MYH14: variants seen among roughly 807,000 people sequenced by gnomAD.
MYH14 encodes the protein myosin-14.
MYH14 carries 123 observed loss-of-function variants against 255.5 expected under a neutral mutation model. The observed-to-expected ratio is 0.48, with a 90% CI of 0.42 to 0.56. MYH14 has a LOEUF of 0.56. Ranked by LOEUF, MYH14 falls within the 20% of genes least tolerant of loss-of-function variation. The probability of loss-of-function intolerance (pLI) is 0.00; values close to 1 mark genes in which losing one functional copy is unlikely to be tolerated. For synonymous variants in MYH14, 1,095 were observed against 1,161.2 expected, an observed-to-expected ratio of 0.94 and a Z score of 1.16; for missense variants, 2,423 against 2,802.3, an observed-to-expected ratio of 0.86 and a Z score of 3.06.
intron 27 of MYH14, among the ~76,000 whole-genome samples, chr19:50,274,869 T>C (rs1355029018): frequency 9.3e-5 from 14 of 150,202 alleles, no homozygotes; most frequent in African/African-American, 3.4e-4. Flanking sequence ...AAGTCGAGGC[T>C]GCAGTGAGCT....
chr19:50,292,380 G>T lies in MYH14; in HGVS notation c.5247G>T (p.Arg1749=). ...RLKGLEAEVL[R]LQEELAASDR... Reference sequence around the variant, plus strand: ...AGGGCCTGGAGGCTGAGGTGCTGCGGCTGCAGGAGGTGAGGCTGGGGTAGG... The same window carrying T: ...AGGGCCTGGAGGCTGAGGTGCTGCGTCTGCAGGAGGTGAGGCTGGGGTAGG... The change falls in exon 37 of 43, where the codon CGG becomes CGT. Residue 1749 remains arginine (R), a synonymous_variant. Transcript: ENST00000642316. 1.9e-6 allele frequency: 3 copies of T among 1,581,918 alleles called. No individual in the cohort carries two copies. Among genetic ancestry groups the T allele is most frequent in the Admixed American group, 1.8e-5 (1 of 54,696 alleles).
chr19:50,288,932 A>T (rs1257355229), intron 34 of MYH14, among the ~76,000 whole-genome samples: 2 of 152,046 alleles, frequency 1.3e-5, no homozygotes, highest in African/African-American at 4.8e-5. Flanking sequence ...GGTTTAATTC[A>T]TACCTCCCTG....
rs780403309 is a variant in MYH14 at position 50,271,491 on chromosome 19, A to G, written c.3116A>G (p.Lys1039Arg). ...LEKVTTEAKM[K>R]KFEEDLLLLE... ...AAGGTGACGACAGAGGCAAAAATGAAGAAATTTGAAGAGGACCTGCTGCTC... is the reference window on the plus strand; with the variant it reads ...AAGGTGACGACAGAGGCAAAAATGAGGAAATTTGAAGAGGACCTGCTGCTC... The change falls in exon 25 of 43, where the codon AAG (lysine) becomes AGG (arginine). Residue 1039 changes from lysine to arginine, a missense_variant. This residue lies in a region of MYH14 where 1,513 missense variants were observed against 1,674.8 expected (regional missense o/e 0.90). Transcript: ENST00000642316. 6.2e-7 allele frequency: 1 copy of G among 1,607,220 alleles called. No individual in the cohort carries two copies. The highest frequency in any genetic ancestry group is 1.7e-5 in the Admixed American group (1 of 58,888).
At position 50,293,570 on chromosome 19, in the gene MYH14, C is replaced by T; in HGVS notation, c.5352C>T (p.Ala1784=). The T allele has an allele frequency of 6.2e-7, 1 of 1,612,958 alleles. No individual in the cohort carries two copies. Among genetic ancestry groups the T allele is most frequent in the South Asian group, 1.1e-5 (1 of 90,962 alleles). The change falls in exon 39 of 43, where the codon GCC becomes GCT. Residue 1784 remains alanine, a synonymous_variant. Coordinates refer to ENST00000642316, the MANE Select transcript of MYH14 (RefSeq NM_001145809.2). This position sits in a 1 kb window ranked among gnomAD's most constrained non-coding sequence, Gnocchi z 4.1. ...EVANGNLSKA[A]ILEEKRQLEG... ...CGCCTTCCTGTCTCCCTAGGGCAGC[C>T]ATTCTGGAGGAGAAGCGTCAGCTGG...
intron 1 of MYH14, among the ~76,000 whole-genome samples, chr19:50,203,987 C>A (rs965414313): frequency 3.3e-5 from 5 of 152,062 alleles, no homozygotes; most frequent in African/African-American, 1.2e-4. Flanking sequence ...CGCTTTAATA[C>A]CTGAGTCATC....
At chr19:50,217,887 G>A (rs2032574833) in intron 3 of MYH14, 116 bp downstream of exon 3, 1 of 1,259,254 alleles carries the variant, frequency 7.9e-7, no homozygotes. Flanking sequence ...TGACTCTGTA[G>A]GGCTTCTTAG....
chr19:50,231,820 C>A, intron 9 of MYH14, 110 bp from the exon 10 acceptor site: 1 of 1,461,186 alleles, frequency 6.8e-7, no homozygotes, highest in Non-Finnish European at 9.4e-7. Flanking sequence ...AGGCCCCCAC[C>A]CACTTGACAG....
At chr19:50,251,808 C>A (rs1467240838) in intron 15 of MYH14, among the ~76,000 whole-genome samples, 1 of 152,126 alleles carries the variant, frequency 6.6e-6, no homozygotes, top group African/African-American at 2.4e-5. Flanking sequence ...GAACTCCTGA[C>A]CTCAGTTGAT....
intron 29 of MYH14, among the ~76,000 whole-genome samples, chr19:50,277,578 A>G (rs1010120526): frequency 1.3e-5 from 2 of 152,104 alleles, no homozygotes; most frequent in Non-Finnish European, 2.9e-5. Flanking sequence ...ATTCCACTCC[A>G]GCCTGGGTGA....
chr19:50,272,677 A>C lies in MYH14; in HGVS notation c.3413A>C (p.Glu1138Ala). 6.4e-7 allele frequency: 1 copy of C among 1,554,756 alleles called. No homozygotes were observed. The highest frequency in any genetic ancestry group is 8.7e-7 in the Non-Finnish European group (1 of 1,149,744). ...GTGGAGCAGCAACAGCGGGCAGAGGAGCTGCGGGCCCAGCTGGGCCGGAAG... is the reference window on the plus strand; with the variant it reads ...GTGGAGCAGCAACAGCGGGCAGAGGCGCTGCGGGCCCAGCTGGGCCGGAAG... ...QMVEQQQRAE[E>A]LRAQLGRKEE... Residue 1138 changes from glutamate (E) to alanine (A), a missense_variant, in exon 27 of 43, where the codon GAG becomes GCG. Glu to Ala is a moderately radical substitution (Grantham distance 107, BLOSUM62 -1). Coordinates refer to ENST00000642316, the MANE Select transcript of MYH14 (RefSeq NM_001145809.2).
At position 50,293,141 on chromosome 19, in the gene MYH14, G is replaced by C. The variant is rs1338472099; in HGVS notation, c.5257-92G>C. ...AGGGACAGCATGAGAAAAAAGCCAA[G>C]AGCCTTGAGGTGTGAGGGACAGAGA... On this transcript the variant is annotated intron_variant, in intron 37 of 42. Transcript: ENST00000642316. The surrounding 1 kb of genome is among the most constrained non-coding windows in gnomAD (Gnocchi z 4.1). 1.5e-5 allele frequency: 13 copies of C among 892,854 alleles called. No individual in the cohort carries two copies. Among genetic ancestry groups the C allele is most frequent in the Non-Finnish European group, 2.4e-5 (13 of 547,492 alleles). 55.3% of individuals were successfully genotyped at this position (892,854 alleles called of 1,614,324 possible).
In MYH14 at chr19:50,297,491, C is replaced by CTTTTTTTTTTT. The variant is rs869049808; in HGVS notation, c.5469+3817_5469+3827dup. ...TCTTTGTGGCTCTGTCTCATCTCCTCTTTTTTTTTTTTTTTTTTTTTTTGA... is the reference window on the plus strand; with the variant it reads ...TCTTTGTGGCTCTGTCTCATCTCCTCTTTTTTTTTTTTTTTTTTTTTTTTTTTTTTTTTTGA... On this transcript the variant is annotated intron_variant, in intron 39 of 42. Coordinates refer to ENST00000642316, the MANE Select transcript of MYH14 (RefSeq NM_001145809.2). 3.6e-4 allele frequency among the ~76,000 whole-genome samples: 27 copies of CTTTTTTTTTTT among 74,344 alleles called. 4 individuals carry two copies. Among genetic ancestry groups the CTTTTTTTTTTT allele is most frequent in the Non-Finnish European group, 5.0e-4 (21 of 42,156 alleles). 48.8% of individuals were successfully genotyped at this position (74,344 alleles called of 152,430 possible).
rs373207210 is a variant in MYH14, at chr19:50,272,698, G to A, written c.3434G>A (p.Arg1145Gln). Residue 1145 changes from arginine (R) to glutamine (Q), a missense_variant, in exon 27 of 43, where the codon CGG becomes CAG. By Grantham distance (43) the Arg-to-Gln change is conservative. This residue lies in a region of MYH14 where 1,513 missense variants were observed against 1,674.8 expected (regional missense o/e 0.90). Coordinates refer to ENST00000642316, the MANE Select transcript of MYH14 (RefSeq NM_001145809.2). ...RAEELRAQLGRKEEELQAALA... is the reference protein window; with the variant it reads ...RAEELRAQLGQKEEELQAALA... ...GAGGAGCTGCGGGCCCAGCTGGGCC[G>A]GAAGGAGGAGGAGCTGCAGGCTGCC... is the stretch of plus-strand genomic sequence containing the variant. The A allele has an allele frequency of 2.1e-5, 32 of 1,551,582 alleles. No homozygotes were observed. Among genetic ancestry groups the A allele is most frequent in the South Asian group, 8.3e-5 (7 of 84,092 alleles).
chr19:50,271,523 G>A lies in MYH14; in HGVS notation c.3148G>A (p.Asp1050Asn), dbSNP rs781266105. The change falls in exon 25 of 43, where the codon GAC becomes AAC. Residue 1050 changes from aspartate (D) to asparagine (N), a missense_variant. Physicochemically the swap from Asp to Asn is conservative, Grantham distance 23. Coordinates refer to ENST00000642316, the MANE Select transcript of MYH14 (RefSeq NM_001145809.2). The stretch of plus-strand genomic sequence containing the variant: ...TGAAGAGGACCTGCTGCTCCTGGAA[G>A]ACCAGAATTCCAAGCTGAGCAAGGT... ...KFEEDLLLLEDQNSKLSKERK... is the reference protein window; with the variant it reads ...KFEEDLLLLENQNSKLSKERK... 1.2e-6 allele frequency: 2 copies of A among 1,606,450 alleles called. No individual in the cohort carries two copies. The highest frequency in any genetic ancestry group is 2.2e-5 in the South Asian group (2 of 89,262).
intron 5 of MYH14, 122 bp from the exon 6 acceptor site, chr19:50,224,032 T>TGCCCCCCCCCCCCCCCCCCCCCCCCC: frequency 1.6e-6 from 1 of 610,324 alleles, no homozygotes; most frequent in Non-Finnish European, 3.0e-6. Context: ...ATGCCCGGTT[T>TGCCCCCCCCCCCCCCCCCCCCCCCCC]CCCCAGTCCC....
Position 50,223,349 on chromosome 19 carries a change from C to A in MYH14, c.693C>A (p.Pro231=). 2 of 1,564,116 alleles carry A rather than the reference C, an allele frequency of 1.3e-6. No homozygotes were observed. The highest frequency in any genetic ancestry group is 2.4e-5 in the East Asian group (1 of 41,656). The change falls in exon 5 of 43, where the codon CCC becomes CCA. Residue 231 remains proline (P), a splice_region_variant and synonymous_variant. Coordinates refer to ENST00000642316, the MANE Select transcript of MYH14 (RefSeq NM_001145809.2). ...AGGGCAGGAAGGAGCCGGGTGTCCCCGTAAGCAACCCCGCCTTGGGTCACC... is the reference window on the plus strand; with the variant it reads ...AGGGCAGGAAGGAGCCGGGTGTCCCAGTAAGCAACCCCGCCTTGGGTCACC... The part of the protein sequence containing the change: ...SPKGRKEPGV[P]ASVSTVSYGE...
rs376644018 is a variant in MYH14, at chr19:50,289,508, C to T, written c.4825C>T (p.Leu1609=). Residue 1609 remains leucine, a synonymous_variant, in exon 35 of 43, where the codon CTG becomes TTG. Coordinates refer to ENST00000642316, the MANE Select transcript of MYH14 (RefSeq NM_001145809.2). ...TGATCTGCGAGCACAGGTGACAGAACTGGAGGATGAGCTGACAGCGGCCGA... is the reference window on the plus strand; with the variant it reads ...TGATCTGCGAGCACAGGTGACAGAATTGGAGGATGAGCTGACAGCGGCCGA... ...ANDLRAQVTE[L]EDELTAAEDA... 1 of 1,613,250 alleles carries T rather than the reference C, an allele frequency of 6.2e-7. No individual in the cohort carries two copies. The highest frequency in any genetic ancestry group is 8.5e-7 in the Non-Finnish European group (1 of 1,179,662).
At chr19:50,296,064 G>A (rs368987507) in intron 39 of MYH14, among the ~76,000 whole-genome samples, 14 of 151,448 alleles carry the variant, frequency 9.2e-5, no homozygotes, top group Admixed American at 7.9e-4. Flanking sequence ...ATCTGAGATC[G>A]TGCCACTACA....
chr19:50,253,764 A>G (rs566113423), intron 16 of MYH14, among the ~76,000 whole-genome samples: 1 of 152,112 alleles, frequency 6.6e-6, no homozygotes, highest in African/African-American at 2.4e-5. Flanking sequence ...CTGCCCCCCC[A>G]TCCTTAGAGG....
Sources: gnomAD v4.1 joint callset for allele counts (sites outside exome capture counted in the v4.1 genomes callset) on GRCh38, gnomAD v4.1.1 for gene constraint, gnomAD v4.1.1 regional missense constraint, Gnocchi (gnomAD v3.1) non-coding constraint, MANE v1.5 for transcripts, NCBI Gene and HGNC (gene_info 2026-07-23, HGNC 2026-07-21) for gene names.